PIEZO2: variants seen among roughly 807,000 people sequenced by gnomAD.
PIEZO2 encodes piezo type mechanosensitive ion channel component 2.
Under a neutral mutation model 337.3 loss-of-function variants are expected in PIEZO2, and 172 were observed. The ratio of observed to expected loss-of-function variants is 0.51; its 90% CI spans 0.45 to 0.58. The LOEUF (loss-of-function observed/expected upper bound fraction) is 0.58, where lower values mean the gene tolerates loss of function less well. Ranked by LOEUF, PIEZO2 falls within the 20% of genes least tolerant of loss-of-function variation. The pLI, the probability that PIEZO2 is intolerant of heterozygous loss-of-function variation, is 0.00. For missense variants in PIEZO2, 3,028 were observed against 3,391.3 expected (o/e 0.89, Z 2.66); for synonymous variants, 1,251 against 1,228.5 (o/e 1.02, Z -0.38).
At chr18:11,051,368 TGG>T (rs1491301364) in intron 2 of PIEZO2, among the ~76,000 whole-genome samples, 2,020 of 145,068 alleles carry the variant, frequency 0.014, 35 homozygotes, top group African/African-American at 0.04. Flanking sequence ...TGTGTGTGTG[TGG>T]GTGTGGGTGT....
chr18:10,971,818 G>A (rs2034248459), intron 3 of PIEZO2, among the ~76,000 whole-genome samples: 1 of 152,074 alleles, frequency 6.6e-6, no homozygotes, highest in Non-Finnish European at 1.5e-5. Flanking sequence ...CATGTATGAA[G>A]GTGCAGGGTG....
At position 10,945,709 on chromosome 18, in the gene PIEZO2, C is replaced by A. The variant is rs750263303; in HGVS notation, c.286+33826G>T. 6.6e-6 allele frequency among the ~76,000 whole-genome samples: 1 copy of A among 152,120 alleles called. No homozygotes were observed. Among genetic ancestry groups the A allele is most frequent in the Non-Finnish European group, 1.5e-5 (1 of 68,008 alleles). On this transcript the variant is annotated intron_variant, in intron 3 of 55. Coordinates refer to ENST00000674853, the MANE Select transcript of PIEZO2 (RefSeq NM_001378183.1). This position sits in a 1 kb window ranked among gnomAD's most constrained non-coding sequence, Gnocchi z 4.0. ...CCCATAATCAGCAGAAAAAATCAAT[C>A]AAAATCTTCCCAGAACTGCCAAAGG...
chr18:10,868,048 C>G (rs1334737613), intron 5 of PIEZO2, among the ~76,000 whole-genome samples: 1 of 152,186 alleles, frequency 6.6e-6, no homozygotes, highest in African/African-American at 2.4e-5. Flanking sequence ...TATGGGGAAT[C>G]CTTGGATTTG....
chr18:10,758,066 C>A lies in PIEZO2; in HGVS notation c.3826G>T (p.Val1276Leu). Residue 1276 changes from valine (V) to leucine (L), a missense_variant, in exon 27 of 56, where the codon GTG becomes TTG. By Grantham distance (32) the Val-to-Leu change is conservative (BLOSUM62 1). Transcript: ENST00000674853. ...QIFEDENKAAVRIMAGDNVEI... is the reference protein window; with the variant it reads ...QIFEDENKAALRIMAGDNVEI... The stretch of plus-strand genomic sequence containing the variant: ...ACATTGTCACCTGCCATGATTCGCA[C>A]TGCAGCCTTGTTCTCATCCTCAAAA... 2 of 1,537,566 alleles carry A rather than the reference C, an allele frequency of 1.3e-6. No homozygotes were observed. The highest frequency in any genetic ancestry group is 1.7e-6 in the Non-Finnish European group (2 of 1,146,888).
At position 10,837,173 on chromosome 18, in the gene PIEZO2, T is replaced by C. The variant is rs2041041246; in HGVS notation, c.917+18180A>G. ...AGGAGGAGGGGATGGTGTGCACTCC[T>C]GTTGTGGACGGTAACAGAACCTGGA... On this transcript the variant is annotated intron_variant, in intron 7 of 55. Transcript: ENST00000674853. This position sits in a 1 kb window ranked among gnomAD's most constrained non-coding sequence, Gnocchi z 4.4. 6.6e-6 allele frequency among the ~76,000 whole-genome samples: 1 copy of C among 152,244 alleles called. No homozygotes were observed. Among genetic ancestry groups the C allele is most frequent in the South Asian group, 2.1e-4 (1 of 4,834 alleles).
intron 4 of PIEZO2, among the ~76,000 whole-genome samples, chr18:10,900,931 T>C (rs958417781): frequency 2.6e-4 from 39 of 152,320 alleles, no homozygotes; most frequent in African/African-American, 8.9e-4. Flanking sequence ...AATTATAGTA[T>C]AGAAAACAAC....
intron 3 of PIEZO2, among the ~76,000 whole-genome samples, chr18:10,923,867 C>G (rs1269731972): frequency 3.1e-4 from 47 of 152,154 alleles, no homozygotes; most frequent in Non-Finnish European, 2.1e-4. Context: ...GGTCAGATAT[C>G]ATATTGGGAC....
At chr18:10,831,871 G>A (rs1342152824) in intron 7 of PIEZO2, among the ~76,000 whole-genome samples, 4 of 152,154 alleles carry the variant, frequency 2.6e-5, no homozygotes, top group Non-Finnish European at 5.9e-5. Context: ...CTAAGTCTGG[G>A]TGAGGTTCAG....
At chr18:10,939,909 A>G (rs1451834820) in intron 3 of PIEZO2, among the ~76,000 whole-genome samples, 1 of 152,188 alleles carries the variant, frequency 6.6e-6, no homozygotes, top group Non-Finnish European at 1.5e-5. Flanking sequence ...CATTCTGCAC[A>G]TGTATCCCGT....
At chr18:11,119,285 C>T (rs1337358930) in intron 1 of PIEZO2, among the ~76,000 whole-genome samples, 1 of 151,806 alleles carries the variant, frequency 6.6e-6, no homozygotes, top group Non-Finnish European at 1.5e-5. Flanking sequence ...GTAGCTGGGA[C>T]TACAGGCCCA....
At chr18:10,908,677 A>G (rs2030182466) in intron 4 of PIEZO2, 1 of 152,248 alleles carries the variant, frequency 6.6e-6, no homozygotes, top group Non-Finnish European at 1.5e-5. Context: ...ACATGGGAAA[A>G]CACAGGATGA....
chr18:10,864,855 G>C (rs577373696), intron 5 of PIEZO2, among the ~76,000 whole-genome samples: 92 of 152,312 alleles, frequency 6.0e-4, no homozygotes, highest in African/African-American at 2.2e-3. Context: ...ACAAGAATGA[G>C]AAGAGCATCT....
intron 37 of PIEZO2, among the ~76,000 whole-genome samples, 169 bp from the exon 38 acceptor site, chr18:10,715,985 G>A (rs564742615): frequency 2.6e-4 from 39 of 152,322 alleles, no homozygotes; most frequent in African/African-American, 8.7e-4. Flanking sequence ...TGCCATGCAG[G>A]AAGCTTTTGT....
intron 39 of PIEZO2, among the ~76,000 whole-genome samples, chr18:10,710,761 G>T (rs1402392990): frequency 6.6e-6 from 1 of 152,172 alleles, no homozygotes; most frequent in Admixed American, 6.5e-5. Context: ...CCTTCCCAAT[G>T]ACTTCCACTG....
chr18:10,752,467 C>T (rs2037685104), intron 28 of PIEZO2, among the ~76,000 whole-genome samples, 169 bp downstream of exon 28: 1 of 152,256 alleles, frequency 6.6e-6, no homozygotes. Context: ...CTCTGTTTAA[C>T]GTGGCAAGAC....
Position 11,113,169 on chromosome 18 carries a change from GC to G in PIEZO2, c.64+35355del, listed in dbSNP as rs141861701. 6.2e-3 allele frequency among the ~76,000 whole-genome samples: 938 copies of G among 152,224 alleles called. 13 individuals are homozygous for G. The highest frequency in any genetic ancestry group is 0.022 in the African/African-American group (898 of 41,540). On this transcript the variant is annotated intron_variant, in intron 1 of 55. Transcript: ENST00000674853. ...ACAGTTAACATCTTCTCCCACCCCAGCCCCTGAAACCCTTTTGTCTTCCAGG... is the reference window on the plus strand; with the variant it reads ...ACAGTTAACATCTTCTCCCACCCCAGCCCTGAAACCCTTTTGTCTTCCAGG...
intron 1 of PIEZO2, among the ~76,000 whole-genome samples, chr18:11,119,394 T>A (rs2039973192): frequency 6.6e-6 from 1 of 152,186 alleles, no homozygotes; most frequent in African/African-American, 2.4e-5. Context: ...CATCTCGGCC[T>A]CCCAAAGTGC....
chr18:10,747,921 G>A (rs921278536), intron 30 of PIEZO2, among the ~76,000 whole-genome samples: 1 of 152,138 alleles, frequency 6.6e-6, no homozygotes, highest in African/African-American at 2.4e-5. Context: ...GCAGCTGGGG[G>A]CCACAGAGCT....
In PIEZO2 at chr18:10,871,117, C is replaced by T. The variant is rs936690263; in HGVS notation, c.492+136G>A. On this transcript the variant is annotated intron_variant, in intron 5 of 55. Coordinates refer to ENST00000674853, the MANE Select transcript of PIEZO2 (RefSeq NM_001378183.1). ...TGCACGAGGGTGTCATGCAATTTGA[C>T]AGTAAACGTTTATGTCAAGCACTGT... The T allele has an allele frequency of 1.8e-5, 16 of 913,304 alleles. No individual in the cohort carries two copies. The East Asian group carries it at 3.9e-4, about 22-fold the overall frequency. The allele number at this position is 913,304 out of a possible 1,614,324, so 56.6% of individuals were successfully genotyped here. A position where few individuals can be genotyped will look rare whatever the true frequency, so the allele number is the denominator to read the frequency against.
Sources: allele counts gnomAD v4.1 joint callset (sites outside exome capture counted in the v4.1 genomes callset), GRCh38; gene constraint gnomAD v4.1.1; non-coding constraint Gnocchi (gnomAD v3.1); transcripts MANE v1.5; gene names NCBI Gene and HGNC (gene_info 2026-07-23, HGNC 2026-07-21).